DAB1: variants seen among roughly 807,000 people sequenced by gnomAD.
DAB1 encodes the protein DAB adaptor protein 1.
A neutral mutation model predicts 64.6 loss-of-function variants in DAB1; 15 were observed. That is an observed-to-expected ratio of 0.23 (90% confidence interval 0.16 to 0.36). The LOEUF is 0.36. DAB1 is among the 10% of genes least tolerant of loss of function. The pLI, the probability that DAB1 is intolerant of heterozygous loss-of-function variation, is 1.00. For synonymous variants in DAB1, 235 were observed against 251.9 expected (o/e 0.93, Z 0.64); for missense variants, 596 against 706.7 (o/e 0.84, Z 1.78).
At chr1:57,306,809 T>C (rs1674223708) in intron 1 of DAB1, 1 of 152,220 alleles carries the variant, frequency 6.6e-6, no homozygotes, top group Non-Finnish European at 1.5e-5. Context: ...TAATTAATGA[T>C]ACGACCATGG....
At chr1:57,440,458 C>A (rs1449946313) in intron 7 of DAB1, among the ~76,000 whole-genome samples, 1 of 151,962 alleles carries the variant, frequency 6.6e-6, no homozygotes, top group Non-Finnish European at 1.5e-5. Flanking sequence ...TTCAGGGATA[C>A]CCAGACAGTA....
At chr1:57,413,497 T>C (rs1684265088) in intron 1 of DAB1, among the ~76,000 whole-genome samples, 1 of 152,082 alleles carries the variant, frequency 6.6e-6, no homozygotes, top group Non-Finnish European at 1.5e-5. Flanking sequence ...ATCCCAGCAC[T>C]TTGGGAGGCG....
At chr1:57,507,379 G>A (rs779948560) in intron 7 of DAB1, among the ~76,000 whole-genome samples, 2 of 152,198 alleles carry the variant, frequency 1.3e-5, no homozygotes, top group Non-Finnish European at 2.9e-5. Context: ...TTATTCCAGG[G>A]AGTCCGGCCT....
intron 14 of DAB1, among the ~76,000 whole-genome samples, chr1:57,004,841 G>A (rs949207397): frequency 2.0e-5 from 3 of 152,126 alleles, no homozygotes; most frequent in Admixed American, 6.5e-5. Flanking sequence ...GAACTTAGGC[G>A]AGCATCTCAC....
intron 3 of DAB1, among the ~76,000 whole-genome samples, chr1:58,372,349 G>T (rs1644272256): frequency 6.6e-6 from 1 of 152,148 alleles, no homozygotes; most frequent in Non-Finnish European, 1.5e-5. Context: ...CTTTGTTTTG[G>T]CCAATTTCTC....
At chr1:58,393,987 A>C (rs1644497993) in intron 3 of DAB1, among the ~76,000 whole-genome samples, 1 of 152,208 alleles carries the variant, frequency 6.6e-6, no homozygotes, top group Non-Finnish European at 1.5e-5. Context: ...CCATAAATAT[A>C]TGTAATTATT....
chr1:58,278,025 C>G (rs1661492325), intron 4 of DAB1, among the ~76,000 whole-genome samples: 1 of 152,184 alleles, frequency 6.6e-6, no homozygotes, highest in Non-Finnish European at 1.5e-5. Context: ...CAGTTTTCAT[C>G]CTTTGCTGAA....
intron 7 of DAB1, among the ~76,000 whole-genome samples, chr1:57,436,606 G>A (rs1437075191): frequency 6.6e-6 from 1 of 152,156 alleles, no homozygotes; most frequent in African/African-American, 2.4e-5. Context: ...CACTGCCAAA[G>A]CAATGAATGT....
intron 7 of DAB1, among the ~76,000 whole-genome samples, chr1:57,486,685 T>A (rs2101259700): frequency 6.6e-6 from 1 of 152,238 alleles, no homozygotes; most frequent in Admixed American, 6.5e-5. Context: ...TATTAAATGA[T>A]GGTAAAACCC....
intron 6 of DAB1, among the ~76,000 whole-genome samples, chr1:57,657,250 C>G (rs1451701998): frequency 1.3e-5 from 2 of 152,202 alleles, no homozygotes; most frequent in African/African-American, 2.4e-5. Flanking sequence ...TTAGGGTTAC[C>G]TCATCTGCAC....
intron 2 of DAB1, among the ~76,000 whole-genome samples, chr1:57,158,978 G>A (rs186421990): frequency 6.6e-6 from 1 of 152,282 alleles, no homozygotes; most frequent in East Asian, 1.9e-4. Context: ...GTACCAGGCA[G>A]AGATTCTCAT....
At chr1:57,337,029 C>A (rs2100814617) in intron 1 of DAB1, among the ~76,000 whole-genome samples, 1 of 152,240 alleles carries the variant, frequency 6.6e-6, no homozygotes, top group African/African-American at 2.4e-5. Context: ...GACACTGATT[C>A]TTCAACTGTT....
intron 3 of DAB1, among the ~76,000 whole-genome samples, chr1:57,142,627 C>CACACACACACACACAT (rs1473201144): frequency 2.8e-5 from 4 of 144,066 alleles, no homozygotes; most frequent in African/African-American, 1.2e-4. Flanking sequence ...CACACACACA[C>CACACACACACACACAT]ACATACACAC....
intron 3 of DAB1, among the ~76,000 whole-genome samples, chr1:58,447,648 C>T (rs1411098250): frequency 6.6e-6 from 1 of 152,110 alleles, no homozygotes; most frequent in East Asian, 1.9e-4. Context: ...AGGAACGATA[C>T]ACAGTGCTAA....
intron 3 of DAB1, among the ~76,000 whole-genome samples, chr1:58,501,695 C>A (rs1177023653): frequency 6.6e-6 from 1 of 152,162 alleles, no homozygotes; most frequent in Admixed American, 6.6e-5. Flanking sequence ...TTTTACACTG[C>A]TATTCCTGCA....
chr1:58,204,455 GCTTA>G (rs1658155680), intron 4 of DAB1, among the ~76,000 whole-genome samples: 1 of 152,150 alleles, frequency 6.6e-6, no homozygotes, highest in South Asian at 2.1e-4. Context: ...AATCCAAGTG[GCTTA>G]CTTGAGAGGT....
intron 3 of DAB1, among the ~76,000 whole-genome samples, chr1:58,422,731 G>A (rs1490455608): frequency 6.6e-6 from 1 of 151,120 alleles, no homozygotes; most frequent in African/African-American, 2.4e-5. Context: ...ACCCACACCA[G>A]CTGACTTGCT....
chr1:58,531,381 T>C (rs977967174), intron 1 of DAB1, among the ~76,000 whole-genome samples: 1 of 152,196 alleles, frequency 6.6e-6, no homozygotes, highest in African/African-American at 2.4e-5. Context: ...AGAATCAGGT[T>C]CTATGAATTT....
chr1:57,283,716 C>A (rs1189459392), intron 2 of DAB1, among the ~76,000 whole-genome samples: 1 of 152,198 alleles, frequency 6.6e-6, no homozygotes, highest in Non-Finnish European at 1.5e-5. Context: ...GAAGAGGAAG[C>A]AAACACCCTG....
Sources: gnomAD v4.1 joint callset for allele counts (sites outside exome capture counted in the v4.1 genomes callset) on GRCh38, gnomAD v4.1.1 for gene constraint, MANE v1.5 for transcripts, NCBI Gene and HGNC (gene_info 2026-07-23, HGNC 2026-07-21) for gene names.